The following ATP6V1C2 variants were observed in gnomAD, a reference collection of about 807,000 sequenced individuals.
ATP6V1C2 encodes the protein ATPase H+ transporting V1 subunit C2.
Under a neutral mutation model 56.8 loss-of-function variants are expected in ATP6V1C2, and 45 were observed. The observed-to-expected ratio is 0.79, with a 90% confidence interval of 0.62 to 1.02. The LOEUF (loss-of-function observed/expected upper bound fraction) is 1.02. ATP6V1C2 is among the 50% of genes least tolerant of loss of function. The pLI is 0.00. For missense variants in ATP6V1C2, 463 were observed against 519.7 expected (o/e 0.89, Z 1.06); for synonymous variants, 220 against 201.3 (o/e 1.09, Z -0.79).
At position 10,743,514 on chromosome 2, in the gene ATP6V1C2, A is replaced by G. The variant is rs145638881; in HGVS notation, c.198-10467A>G. ...TGTAATTACAAACCATTCTGCCACA[A>G]AATATGGTGTTTGTAGCACATGAGC... On this transcript the variant is annotated intron_variant, in intron 3 of 13. Transcript: ENST00000272238. 6.0e-3 allele frequency among the ~76,000 whole-genome samples: 917 copies of G among 151,932 alleles called. 6 individuals are homozygous for G. The highest frequency in any genetic ancestry group is 0.027 in the Middle Eastern group (8 of 294).
In ATP6V1C2 at chr2:10,784,934, C is replaced by T; in HGVS notation, c.*1671C>T. 1 of 1,577,040 alleles carries T rather than the reference C, an allele frequency of 6.3e-7. No individual in the cohort carries two copies. Among genetic ancestry groups the T allele is most frequent in the Middle Eastern group, 1.7e-4 (1 of 6,016 alleles). On this transcript the variant is annotated 3_prime_UTR_variant, in exon 14 of 14. Transcript: ENST00000272238. Reference sequence around the variant, plus strand: ...CACAGCTTCCCTCCCGGGCACTCACCTCGCCATCCCTGCCGTCCCAAGGCT... The same window carrying T: ...CACAGCTTCCCTCCCGGGCACTCACTTCGCCATCCCTGCCGTCCCAAGGCT...
intron 5 of ATP6V1C2, among the ~76,000 whole-genome samples, chr2:10,767,646 C>T (rs1201019313): frequency 6.6e-6 from 1 of 152,044 alleles, no homozygotes; most frequent in Non-Finnish European, 1.5e-5. Flanking sequence ...TTAGTAGAGG[C>T]AGGGTTTTAC....
intron 4 of ATP6V1C2, chr2:10,757,518 T>C (rs1663626552): frequency 5.0e-6 from 2 of 398,394 alleles, no homozygotes; most frequent in Non-Finnish European, 8.8e-6. Flanking sequence ...CCCGGGAAGG[T>C]GGAATCTCGG....
chr2:10,776,147 C>T (rs914678484), intron 10 of ATP6V1C2, among the ~76,000 whole-genome samples: 257 of 152,236 alleles, frequency 1.7e-3, no homozygotes, highest in African/African-American at 5.8e-3. Context: ...GTGGGGTTCT[C>T]GGAGCCCCTC....
chr2:10,761,838 A>G (rs973196419), intron 4 of ATP6V1C2, among the ~76,000 whole-genome samples: 1 of 152,210 alleles, frequency 6.6e-6, no homozygotes, highest in Non-Finnish European at 1.5e-5. Flanking sequence ...AGGACTCGCC[A>G]TGTTAATTCC....
intron 3 of ATP6V1C2, among the ~76,000 whole-genome samples, chr2:10,752,703 T>A (rs1277173529): frequency 6.6e-6 from 1 of 152,112 alleles, no homozygotes; most frequent in African/African-American, 2.4e-5. Context: ...TACATCAATT[T>A]AGCTAAAATC....
intron 3 of ATP6V1C2, among the ~76,000 whole-genome samples, chr2:10,734,527 A>G (rs1662150354): frequency 2.0e-5 from 3 of 152,228 alleles, no homozygotes; most frequent in South Asian, 2.1e-4. Flanking sequence ...ATCCTGGGTT[A>G]TAAGAGCTGG....
chr2:10,784,422 C>A lies in ATP6V1C2; in HGVS notation c.*1159C>A, dbSNP rs1392700515. The A allele has an allele frequency of 1.1e-5, 10 of 889,848 alleles. No homozygotes were observed. The Admixed American group carries it at 2.6e-4, about 23-fold the overall frequency. 55.1% of individuals were successfully genotyped at this position (889,848 alleles called of 1,614,324 possible). On this transcript the variant is annotated 3_prime_UTR_variant, in exon 14 of 14. Transcript: ENST00000272238. ...ATGGAAGAGCGACTCTCTGGAGCTA[C>A]TCCTGCTACAATCCAGGTTCTCCTC... is the stretch of plus-strand genomic sequence containing the variant.
intron 3 of ATP6V1C2, among the ~76,000 whole-genome samples, chr2:10,738,179 G>T (rs1662361977): frequency 6.6e-6 from 1 of 152,308 alleles, no homozygotes; most frequent in Non-Finnish European, 1.5e-5. Context: ...AGATCATGTA[G>T]CTGCCTAGTG....
At chr2:10,738,877 G>A (rs1422294520) in intron 3 of ATP6V1C2, among the ~76,000 whole-genome samples, 2 of 152,172 alleles carry the variant, frequency 1.3e-5, no homozygotes, top group Non-Finnish European at 2.9e-5. Flanking sequence ...CAGTAAGGAC[G>A]GAGTCCTGTG....
chr2:10,772,717 T>C, intron 8 of ATP6V1C2, 107 bp downstream of exon 8: 1 of 974,824 alleles, frequency 1.0e-6, no homozygotes, highest in East Asian at 2.4e-5. Context: ...TCCCCAGCTT[T>C]CCACACCTGG....
chr2:10,755,612 G>C (rs1663506395), intron 4 of ATP6V1C2, among the ~76,000 whole-genome samples: 1 of 152,154 alleles, frequency 6.6e-6, no homozygotes, highest in African/African-American at 2.4e-5. Flanking sequence ...GATAAACACA[G>C]GGTCCAGGGA....
In ATP6V1C2 at chr2:10,780,756, T is replaced by C. The variant is rs1207266260; in HGVS notation, c.1062-1487T>C. ...CCAGCCGCTCCTGGGGTCCTTTTTT[T>C]TTTTTTTGAGATGGACTCTTGCTGT... On this transcript the variant is annotated intron_variant, in intron 12 of 13. Coordinates refer to ENST00000272238, the MANE Select transcript of ATP6V1C2 (RefSeq NM_001039362.2). This position sits in a 1 kb window ranked among gnomAD's most constrained non-coding sequence, Gnocchi z 4.1. Among the ~76,000 whole-genome samples, 1 of 151,832 alleles carries C rather than the reference T, an allele frequency of 6.6e-6. No homozygotes were observed. Among genetic ancestry groups the C allele is most frequent in the Non-Finnish European group, 1.5e-5 (1 of 67,872 alleles).
intron 4 of ATP6V1C2, among the ~76,000 whole-genome samples, chr2:10,762,765 C>A (rs1469357452): frequency 3.3e-5 from 5 of 152,126 alleles, no homozygotes; most frequent in Admixed American, 6.5e-5. Flanking sequence ...CACCCAGCCA[C>A]CCAGCGAGAA....
At position 10,741,963 on chromosome 2, in the gene ATP6V1C2, T is replaced by G. The variant is rs536056780; in HGVS notation, c.198-12018T>G. The stretch of plus-strand genomic sequence containing the variant: ...TCTCGCCCTGTGGCTTAGGCTGGAG[T>G]GCAATGGCATGATCTTGGCTCGCTG... On this transcript the variant is annotated intron_variant, in intron 3 of 13. Coordinates refer to ENST00000272238, the MANE Select transcript of ATP6V1C2 (RefSeq NM_001039362.2). Among the ~76,000 whole-genome samples the G allele has an allele frequency of 5.4e-5, 8 of 149,006 alleles. No individual in the cohort carries two copies. The East Asian group carries it at 1.6e-3, about 30-fold the overall frequency.
Position 10,722,834 on chromosome 2 carries a change from A to C in ATP6V1C2, c.-16A>C. 1 of 1,613,778 alleles carries C rather than the reference A, an allele frequency of 6.2e-7. No individual in the cohort carries two copies. Among genetic ancestry groups the C allele is most frequent in the South Asian group, 1.1e-5 (1 of 91,002 alleles). ...CCTGGTTCTGGGCAGTCACTGGGTA[A>C]GAGAAGACTGGAAGCATGTCGGAGT... On this transcript the variant is annotated 5_prime_UTR_variant, in exon 2 of 14. Coordinates refer to ENST00000272238, the MANE Select transcript of ATP6V1C2 (RefSeq NM_001039362.2).
At chr2:10,725,622 G>A (rs1661599166) in intron 2 of ATP6V1C2, among the ~76,000 whole-genome samples, 1 of 148,144 alleles carries the variant, frequency 6.8e-6, no homozygotes, top group Non-Finnish European at 1.5e-5. Flanking sequence ...AGACTCCCAA[G>A]TAGCTTGGAT....
intron 4 of ATP6V1C2, among the ~76,000 whole-genome samples, chr2:10,758,051 C>T (rs1663658921): frequency 6.6e-6 from 1 of 152,156 alleles, no homozygotes; most frequent in Admixed American, 6.5e-5. Flanking sequence ...TATCAAATGC[C>T]TTCCCAAATG....
chr2:10,730,604 TG>T lies in ATP6V1C2; in HGVS notation c.197+4038del, dbSNP rs199970181. Among the ~76,000 whole-genome samples the T allele has an allele frequency of 7.5e-3, 693 of 92,754 alleles. 9 individuals are homozygous for T. The highest frequency in any genetic ancestry group is 0.022 in the African/African-American group (675 of 31,056). 60.9% of individuals were successfully genotyped at this position (92,754 alleles called of 152,430 possible). ...TCACCAAGTAGTTTGCTGTTCACAG[TG>T]GGTTTTTTTTTTTTTTTTTTGAAAT... is the stretch of plus-strand genomic sequence containing the variant. On this transcript the variant is annotated intron_variant, in intron 3 of 13. Transcript: ENST00000272238.
Sources: gnomAD v4.1 joint callset for allele counts (sites outside exome capture counted in the v4.1 genomes callset) on GRCh38, gnomAD v4.1.1 for gene constraint, Gnocchi (gnomAD v3.1) non-coding constraint, MANE v1.5 for transcripts, NCBI Gene and HGNC (gene_info 2026-07-23, HGNC 2026-07-21) for gene names.